Variants in AIMP2 observed in about 807,000 individuals in gnomAD.
AIMP2 encodes aminoacyl tRNA synthase complex-interacting multifunctional protein 2.
AIMP2 carries 20 observed loss-of-function variants against 23.4 expected under a neutral mutation model. That is an observed-to-expected ratio of 0.85 (90% CI 0.60 to 1.24). AIMP2 has a LOEUF of 1.24. Among genes scored for constraint, AIMP2 ranks in the 50% most tolerant of loss-of-function variants. The pLI, the probability that AIMP2 is intolerant of heterozygous loss-of-function variation, is 0.00. For missense variants in AIMP2, 515 were observed against 414.5 expected (o/e 1.24, Z -2.10); for synonymous variants, 210 against 170.4 (o/e 1.23, Z -1.81).
At chr7:6,021,021 G>T (rs145078150) in intron 3 of AIMP2, among the ~76,000 whole-genome samples, 7 of 152,244 alleles carry the variant, frequency 4.6e-5, no homozygotes, top group Admixed American at 3.9e-4. Context: ...TTGATGCCTT[G>T]TCCTTGAAGT....
chr7:6,009,334 C>G lies in AIMP2; in HGVS notation c.-30C>G. The G allele has an allele frequency of 2.5e-6, 4 of 1,611,670 alleles. No individual in the cohort carries two copies. The highest frequency in any genetic ancestry group is 3.4e-6 in the Non-Finnish European group (4 of 1,179,972). ...GGTTTCTGAGCGTTGGCCTTTGGCA[C>G]GCGCTACCCCCTTTTGCTTTGGTTC... is the stretch of plus-strand genomic sequence containing the variant. On this transcript the variant is annotated 5_prime_UTR_variant, in exon 1 of 4. Coordinates refer to ENST00000223029, the MANE Select transcript of AIMP2 (RefSeq NM_006303.4).
chr7:6,009,558 T>TA (rs1562715737), intron 1 of AIMP2, 60 bp downstream of exon 1: 1 of 1,371,306 alleles, frequency 7.3e-7, no homozygotes, highest in East Asian at 3.0e-5. Context: ...CTGGCCCGGG[T>TA]CCCCCCAGGC....
intron 2 of AIMP2, among the ~76,000 whole-genome samples, chr7:6,015,981 G>A (rs1375588561): frequency 6.6e-6 from 1 of 152,150 alleles, no homozygotes; most frequent in East Asian, 1.9e-4. Flanking sequence ...TCTGAGCCCT[G>A]GAAGAACAGA....
intron 2 of AIMP2, among the ~76,000 whole-genome samples, chr7:6,016,217 A>C (rs1230018130): frequency 3.9e-5 from 6 of 152,148 alleles, no homozygotes; most frequent in Non-Finnish European, 7.3e-5. Context: ...CTCATGATTG[A>C]AGTTTACAGG....
At chr7:6,010,667 T>G (rs1371360715) in intron 1 of AIMP2, among the ~76,000 whole-genome samples, 1 of 152,076 alleles carries the variant, frequency 6.6e-6, no homozygotes, top group Non-Finnish European at 1.5e-5. Context: ...CAGGCTGATC[T>G]CGAACTCCTG....
chr7:6,012,502 A>C (rs889310239), intron 1 of AIMP2, among the ~76,000 whole-genome samples: 1 of 152,148 alleles, frequency 6.6e-6, no homozygotes, highest in African/African-American at 2.4e-5. Context: ...CTCAGGGCTT[A>C]AAAATCACAA....
intron 3 of AIMP2, among the ~76,000 whole-genome samples, chr7:6,020,722 T>C (rs1562731802): frequency 6.6e-6 from 1 of 152,186 alleles, no homozygotes; most frequent in East Asian, 1.9e-4. Flanking sequence ...ATGGGATACC[T>C]GTGTCAACAG....
intron 1 of AIMP2, among the ~76,000 whole-genome samples, chr7:6,009,974 A>AAAAAAAAAAAAAATATATAT: frequency 1.5e-4 from 4 of 26,674 alleles, no homozygotes; most frequent in Non-Finnish European, 2.7e-4. Flanking sequence ...AAAAAAAAAA[A>AAAAAAAAAAAAAATATATAT]ATATATATAT....
chr7:6,017,287 G>A (rs575539486), intron 2 of AIMP2, among the ~76,000 whole-genome samples: 15 of 151,982 alleles, frequency 9.9e-5, no homozygotes, highest in Non-Finnish European at 1.6e-4. Flanking sequence ...AGGCCAAGAC[G>A]GACAGGTCAT....
At chr7:6,009,974 A>AAATATACATATATATATATATAT in intron 1 of AIMP2, among the ~76,000 whole-genome samples, 4 of 26,662 alleles carry the variant, frequency 1.5e-4, no homozygotes, top group African/African-American at 2.8e-4. Context: ...AAAAAAAAAA[A>AAATATACATATATATATATATAT]ATATATATAT....
chr7:6,021,703 A>G (rs555935350), intron 3 of AIMP2, among the ~76,000 whole-genome samples: 10 of 152,182 alleles, frequency 6.6e-5, no homozygotes, highest in Non-Finnish European at 1.2e-4. Context: ...ACCTAGGAGA[A>G]GCCGGGCTGG....
At chr7:6,011,511 C>T (rs1022048566) in intron 1 of AIMP2, among the ~76,000 whole-genome samples, 8 of 152,200 alleles carry the variant, frequency 5.3e-5, no homozygotes, top group Non-Finnish European at 1.0e-4. Flanking sequence ...GAGAAACAGG[C>T]CTGTCCATTT....
intron 3 of AIMP2, among the ~76,000 whole-genome samples, chr7:6,018,821 G>A (rs974888716): frequency 2.0e-5 from 3 of 151,644 alleles, no homozygotes; most frequent in East Asian, 2.0e-4. Context: ...GCGACAGAAC[G>A]AGACTCCATC....
intron 1 of AIMP2, among the ~76,000 whole-genome samples, chr7:6,012,381 C>G (rs1020652314): frequency 5.3e-5 from 8 of 152,120 alleles, no homozygotes; most frequent in Non-Finnish European, 8.8e-5. Flanking sequence ...ACATCACAGT[C>G]TAGTCTCAGC....
rs1442338784 is a variant in AIMP2 at position 6,009,637 on chromosome 7, C to T, written c.135+139C>T. On this transcript the variant is annotated intron_variant, in intron 1 of 3. Transcript: ENST00000223029. Reference sequence around the variant, plus strand: ...TCTGTGCCGGCCGGCCAGGGACTCACTCAGACTTTTATGTTTTAAAAGATT... The same window carrying T: ...TCTGTGCCGGCCGGCCAGGGACTCATTCAGACTTTTATGTTTTAAAAGATT... 19 of 725,446 alleles carry T rather than the reference C, an allele frequency of 2.6e-5. No homozygotes were observed. The African/African-American group carries it at 2.6e-4, about 10-fold the overall frequency. 44.9% of individuals were successfully genotyped at this position (725,446 alleles called of 1,614,324 possible). A position where few individuals can be genotyped will look rare whatever the true frequency, so the allele number is the denominator to read the frequency against.
rs909201219 is a variant in AIMP2 at position 6,023,715 on chromosome 7, G to T, written c.*24G>T. 1.2e-6 allele frequency: 2 copies of T among 1,614,026 alleles called. No individual in the cohort carries two copies. The highest frequency in any genetic ancestry group is 3.3e-5 in the Admixed American group (2 of 59,978). On this transcript the variant is annotated 3_prime_UTR_variant, in exon 4 of 4. Transcript: ENST00000223029. ...GAATTGCCGTAACTGATTTTAAAGG[G>T]TTTAGATTTTAAGAATGGTGCTCTT...
At chr7:6,016,440 C>T (rs750458491) in intron 2 of AIMP2, among the ~76,000 whole-genome samples, 1 of 152,172 alleles carries the variant, frequency 6.6e-6, no homozygotes, top group Non-Finnish European at 1.5e-5. Context: ...ATTTGGTAAC[C>T]TCAGTACCTC....
chr7:6,009,974 A>AAAAAAAAATATATATAT, intron 1 of AIMP2, among the ~76,000 whole-genome samples: 48 of 26,612 alleles, frequency 1.8e-3, no homozygotes, highest in Middle Eastern at 0.056. Context: ...AAAAAAAAAA[A>AAAAAAAAATATATATAT]ATATATATAT....
chr7:6,023,678 A>G lies in AIMP2; in HGVS notation c.950A>G (p.Lys317Arg). The G allele has an allele frequency of 1.2e-6, 2 of 1,614,152 alleles. No homozygotes were observed. Among genetic ancestry groups the G allele is most frequent in the Non-Finnish European group, 8.5e-7 (1 of 1,180,032 alleles). Residue 317 changes from lysine (K) to arginine (R), a missense_variant, in exon 4 of 4, where the codon AAG (lysine) becomes AGG (arginine). Coordinates refer to ENST00000223029, the MANE Select transcript of AIMP2 (RefSeq NM_006303.4). ...CTGGCTCCTTTTAACACGGCCCTCA[A>G]GCTCCTTAAGTGAATTGCCGTAACT... is the stretch of plus-strand genomic sequence containing the variant. ...ENLAPFNTAL[K>R]LLK
Sources: allele counts gnomAD v4.1 joint callset (sites outside exome capture counted in the v4.1 genomes callset), GRCh38; gene constraint gnomAD v4.1.1; transcripts MANE v1.5; gene names NCBI Gene and HGNC (gene_info 2026-07-23, HGNC 2026-07-21).